The following RGL1 variants were observed in gnomAD, a reference collection of about 807,000 sequenced individuals.
The protein encoded by RGL1 is ral guanine nucleotide dissociation stimulator like 1.
A neutral mutation model predicts 95.2 loss-of-function variants in RGL1; 24 were observed. The ratio of observed to expected loss-of-function variants is 0.25; its 90% CI spans 0.18 to 0.35. The LOEUF (loss-of-function observed/expected upper bound fraction) is 0.35. Among genes scored for constraint, RGL1 ranks in the 10% least tolerant of loss-of-function variants. The probability of loss-of-function intolerance (pLI) is 1.00; values close to 1 mark genes in which losing one functional copy is unlikely to be tolerated. For synonymous variants in RGL1, 329 were observed against 344.9 expected (o/e 0.95, Z 0.51); for missense variants, 715 against 936.3 (o/e 0.76, Z 3.08).
chr1:183,742,342 T>C, intron 2 of RGL1: 15 of 1,606,292 alleles, frequency 9.3e-6, no homozygotes, highest in Non-Finnish European at 1.3e-5. Flanking sequence ...TGTTTATACC[T>C]GAGACCATAA....
chr1:183,686,377 C>T (rs1384328283), intron 1 of RGL1, among the ~76,000 whole-genome samples: 1 of 152,068 alleles, frequency 6.6e-6, no homozygotes, highest in Non-Finnish European at 1.5e-5. Context: ...GGTAGGGGCA[C>T]CCCATCTTCA....
chr1:183,882,406 C>T (rs905680631), intron 5 of RGL1, among the ~76,000 whole-genome samples: 2 of 152,176 alleles, frequency 1.3e-5, no homozygotes, highest in Non-Finnish European at 1.5e-5. Flanking sequence ...GTTGACAAGA[C>T]GAGGGAGAGG....
At chr1:183,882,879 A>G (rs191471101) in intron 5 of RGL1, among the ~76,000 whole-genome samples, 1 of 152,368 alleles carries the variant, frequency 6.6e-6, no homozygotes, top group East Asian at 1.9e-4. Flanking sequence ...GGGGAGTAGT[A>G]ACATGCTGAT....
chr1:183,683,877 T>G (rs1423669583), intron 1 of RGL1, among the ~76,000 whole-genome samples: 1 of 152,184 alleles, frequency 6.6e-6, no homozygotes, highest in African/African-American at 2.4e-5. Flanking sequence ...TTCATTCTGT[T>G]TTCTCTAATC....
intron 1 of RGL1, among the ~76,000 whole-genome samples, chr1:183,642,842 CAATT>C (rs1450192703): frequency 2.0e-5 from 3 of 152,256 alleles, no homozygotes; most frequent in East Asian, 1.9e-4. Flanking sequence ...TTGAAGTGTA[CAATT>C]AAGTAGTACT....
chr1:183,759,551 A>G (rs1365825574), intron 2 of RGL1, among the ~76,000 whole-genome samples: 1 of 152,226 alleles, frequency 6.6e-6, no homozygotes, highest in Non-Finnish European at 1.5e-5. Flanking sequence ...TAAAGTTTTT[A>G]AAGACATCAA....
chr1:183,742,423 C>T, intron 2 of RGL1: 1 of 961,788 alleles, frequency 1.0e-6, no homozygotes, highest in Non-Finnish European at 1.6e-6. Flanking sequence ...ACAGCCATGA[C>T]TGGAGAACAA....
chr1:183,723,652 G>A (rs574061468), intron 1 of RGL1, among the ~76,000 whole-genome samples: 2 of 152,328 alleles, frequency 1.3e-5, no homozygotes, highest in South Asian at 4.1e-4. Context: ...CATCCTAGCA[G>A]TGGGAACTTG....
rs117685454 is a variant in RGL1 at position 183,702,845 on chromosome 1, G to A, written c.-32-39281G>A. Among the ~76,000 whole-genome samples, 274 of 152,280 alleles carry A rather than the reference G, an allele frequency of 1.8e-3. 6 individuals are homozygous for A. In the East Asian group the frequency reaches 0.042, roughly 23 times the overall value. ...AACACAAGGCGGTGTGGAGCAACAC[G>A]CTGTTTTAATGTGTGCCTGGGTGCA... On this transcript the variant is annotated intron_variant, in intron 1 of 18. Coordinates refer to the RGL1 transcript ENST00000304685.
At chr1:183,648,251 C>T (rs113062643) in intron 1 of RGL1, 1 of 1,614,174 alleles carries the variant, frequency 6.2e-7, no homozygotes, top group Admixed American at 1.7e-5. Flanking sequence ...ATAAGCTGGC[C>T]AGGCTCCGGA....
At chr1:183,872,621 G>T (rs1213642967) in intron 4 of RGL1, among the ~76,000 whole-genome samples, 2 of 152,196 alleles carry the variant, frequency 1.3e-5, no homozygotes, top group Non-Finnish European at 2.9e-5. Flanking sequence ...ACTGGTAAAG[G>T]ATCATGTAAA....
rs4382680 is a variant in RGL1, at chr1:183,926,301, A to G, written c.*9A>G. ...GCAAAATCACCCTCTGAAGGGAGGG[A>G]CCAGTGGCCCCTTGTTTGCCAAAGG... On this transcript the variant is annotated 3_prime_UTR_variant, in exon 18 of 18. Transcript: ENST00000360851. 6.3e-7 allele frequency: 1 copy of G among 1,596,256 alleles called. No homozygotes were observed. The highest frequency in any genetic ancestry group is 8.6e-7 in the Non-Finnish European group (1 of 1,169,074).
At chr1:183,920,813 C>T (rs1245648964) in intron 16 of RGL1, among the ~76,000 whole-genome samples, 2 of 152,214 alleles carry the variant, frequency 1.3e-5, no homozygotes, top group African/African-American at 4.8e-5. Flanking sequence ...TGAACAAGAT[C>T]TTTGCTGCTT....
At chr1:183,682,417 G>A (rs926825435) in intron 1 of RGL1, among the ~76,000 whole-genome samples, 5 of 152,052 alleles carry the variant, frequency 3.3e-5, no homozygotes, top group Non-Finnish European at 5.9e-5. Flanking sequence ...CCTTCATTTT[G>A]TTATTTACCC....
chr1:183,725,078 G>A lies in RGL1; in HGVS notation c.-32-17048G>A, dbSNP rs1162542728. Among the ~76,000 whole-genome samples, 7 of 152,208 alleles carry A rather than the reference G, an allele frequency of 4.6e-5. No individual in the cohort carries two copies. The South Asian group carries it at 1.5e-3, about 32-fold the overall frequency. ...AATAAGAGTCTCTACCTGGTAATCT[G>A]GAGAATTCTTCCAAATCTTATCCAA... On this transcript the variant is annotated intron_variant, in intron 1 of 18. Transcript: ENST00000304685.
chr1:183,865,090 T>C (rs1304315372), intron 3 of RGL1, among the ~76,000 whole-genome samples: 1 of 152,162 alleles, frequency 6.6e-6, no homozygotes, highest in Admixed American at 6.5e-5. Context: ...ACTGAAGAAA[T>C]AGTCTAGGCA....
chr1:183,767,138 T>G (rs1659011514), intron 2 of RGL1, among the ~76,000 whole-genome samples: 1 of 151,490 alleles, frequency 6.6e-6, no homozygotes, highest in East Asian at 1.9e-4. Flanking sequence ...GAAGATAGCT[T>G]GAGCCCAGGA....
At chr1:183,778,033 G>A (rs768586721) in intron 2 of RGL1, among the ~76,000 whole-genome samples, 3 of 152,128 alleles carry the variant, frequency 2.0e-5, no homozygotes, top group Non-Finnish European at 2.9e-5. Flanking sequence ...GCAGCTCGGG[G>A]TAGCATTTTT....
At chr1:183,843,239 T>A (rs1289986154) in intron 2 of RGL1, among the ~76,000 whole-genome samples, 3 of 152,260 alleles carry the variant, frequency 2.0e-5, no homozygotes, top group Non-Finnish European at 2.9e-5. Flanking sequence ...TTGTCATTGA[T>A]GTTCACTTTG....
Sources: gnomAD v4.1 joint callset for allele counts (sites outside exome capture counted in the v4.1 genomes callset) on GRCh38, gnomAD v4.1.1 for gene constraint, MANE v1.5 for transcripts, NCBI Gene and HGNC (gene_info 2026-07-23, HGNC 2026-07-21) for gene names.